Variants in ESF1 observed in about 807,000 individuals in gnomAD.
ESF1 encodes the protein ESF1 homolog.
ESF1 carries 58 observed loss-of-function variants against 92.0 expected under a neutral mutation model. The observed-to-expected ratio is 0.63, with a 90% CI of 0.51 to 0.78. The LOEUF (loss-of-function observed/expected upper bound fraction) is 0.78. Among genes scored for constraint, ESF1 ranks in the 30% least tolerant of loss-of-function variants. The pLI is 0.00. For synonymous variants in ESF1, 321 were observed against 313.7 expected (o/e 1.02, Z -0.24); for missense variants, 922 against 989.1 (o/e 0.93, Z 0.91).
rs547360835 is a variant in ESF1 at position 13,775,730 on chromosome 20, T to C, written c.1035+143A>G. ...GGACGTCTTCTAGTTCATATAATTA[T>C]ATTCCATATCAAATTTTAATCAGAA... On this transcript the variant is annotated intron_variant, in intron 3 of 13. Transcript: ENST00000617257. 48 of 936,084 alleles carry C rather than the reference T, an allele frequency of 5.1e-5. No homozygotes were observed. The African/African-American group carries it at 8.0e-4, about 16-fold the overall frequency. The allele number at this position is 936,084 out of a possible 1,614,324, so 58.0% of individuals were successfully genotyped here. A position where few individuals can be genotyped will look rare whatever the true frequency, so the allele number is the denominator to read the frequency against.
intron 9 of ESF1, among the ~76,000 whole-genome samples, chr20:13,745,910 GA>G (rs35997100): frequency 0.17 from 25,860 of 152,114 alleles, 2,804 homozygotes; most frequent in Non-Finnish European, 0.24. Flanking sequence ...ACATAACTGG[GA>G]AGTCACACAG....
At chr20:13,749,151 C>T (rs891031013) in intron 9 of ESF1, among the ~76,000 whole-genome samples, 14 of 151,832 alleles carry the variant, frequency 9.2e-5, no homozygotes, top group African/African-American at 3.4e-4. Context: ...CTGCAACCTC[C>T]ACCTCCTGGG....
intron 2 of ESF1, among the ~76,000 whole-genome samples, chr20:13,781,867 C>G (rs1004207479): frequency 6.6e-6 from 1 of 152,012 alleles, no homozygotes; most frequent in African/African-American, 2.4e-5. Context: ...CGGAGTCCTA[C>G]TTACCCTATT....
intron 6 of ESF1, among the ~76,000 whole-genome samples, chr20:13,770,440 C>T (rs1979631989): frequency 6.6e-6 from 1 of 152,208 alleles, no homozygotes; most frequent in Admixed American, 6.5e-5. Context: ...ATAATCATGG[C>T]TCACTGAAGT....
intron 9 of ESF1, among the ~76,000 whole-genome samples, chr20:13,748,681 G>A (rs1372474072): frequency 2.7e-5 from 4 of 150,116 alleles, no homozygotes; most frequent in African/African-American, 9.8e-5. Flanking sequence ...TCCACTCCGA[G>A]GTTCACGCCA....
At chr20:13,734,755 A>G (rs2049965353) in intron 9 of ESF1, among the ~76,000 whole-genome samples, 1 of 104,850 alleles carries the variant, frequency 9.5e-6, no homozygotes, top group Admixed American at 1.1e-4. Context: ...AAATATTTAG[A>G]TGACACAAAA....
Position 13,784,895 on chromosome 20 carries a change from C to G in ESF1, c.-59G>C, listed in dbSNP as rs1980618169. On this transcript the variant is annotated 5_prime_UTR_variant, in exon 1 of 14. Transcript: ENST00000617257. ...CCCCACTCACCGTCCGCAGTCCTAC[C>G]AAGCCTCACGTGGGGCTCACACCCA... 1.6e-6 allele frequency: 1 copy of G among 631,082 alleles called. No homozygotes were observed. Among genetic ancestry groups the G allele is most frequent in the South Asian group, 1.9e-5 (1 of 52,038 alleles). 39.1% of individuals were successfully genotyped at this position (631,082 alleles called of 1,614,324 possible). A position where few individuals can be genotyped will look rare whatever the true frequency, so the allele number is the denominator to read the frequency against.
In ESF1 at chr20:13,715,223, C is replaced by T. The variant is rs2049816441; in HGVS notation, c.2263-56G>A. 17 of 1,411,172 alleles carry T rather than the reference C, an allele frequency of 1.2e-5. No individual in the cohort carries two copies. In the South Asian group the frequency reaches 3.0e-4, roughly 25 times the overall value. 87.4% of individuals were successfully genotyped at this position (1,411,172 alleles called of 1,614,324 possible). On this transcript the variant is annotated intron_variant, in intron 13 of 13. Transcript: ENST00000617257. The stretch of plus-strand genomic sequence containing the variant: ...AATTAATTAAACAAAATTACTAAAG[C>T]AAAAGGCCAGAAATGGGGCCAAATT...
chr20:13,748,546 GTGTA>G (rs1978414950), intron 9 of ESF1, among the ~76,000 whole-genome samples: 2 of 51,240 alleles, frequency 3.9e-5, no homozygotes, highest in African/African-American at 1.5e-4. Context: ...ATATATGTGT[GTGTA>G]TATATATATA....
Position 13,717,311 on chromosome 20 carries a change from A to T in ESF1, c.2262+57T>A. On this transcript the variant is annotated intron_variant, in intron 13 of 13. Transcript: ENST00000617257. ...GACTATGCTCAATTTCTATCTGCAG[A>T]GCTGACTTTAGATTCAATTCCAGCT... 3 of 1,592,518 alleles carry T rather than the reference A, an allele frequency of 1.9e-6. No homozygotes were observed. In the Admixed American group the frequency reaches 5.1e-5, roughly 27 times the overall value.
intron 3 of ESF1, 120 bp from the exon 4 acceptor site, chr20:13,775,390 G>T: frequency 3.3e-6 from 2 of 605,838 alleles, no homozygotes; most frequent in Non-Finnish European, 2.8e-6. Flanking sequence ...TAGTACAGGA[G>T]TTATCTAAGC....
In ESF1 at chr20:13,775,154, C is replaced by A; in HGVS notation, c.1149+3G>T. On this transcript the variant is annotated splice_donor_region_variant and intron_variant, in intron 4 of 13. Transcript: ENST00000617257. ...TTTATTTCAAAATGAAATCAATTCT[C>A]ACCTTGACGGAAAATATTACACCTC... 6.5e-7 allele frequency: 1 copy of A among 1,547,684 alleles called. No homozygotes were observed.
intron 9 of ESF1, among the ~76,000 whole-genome samples, chr20:13,758,205 T>C (rs1049737427): frequency 6.6e-6 from 1 of 152,206 alleles, no homozygotes; most frequent in African/African-American, 2.4e-5. Flanking sequence ...ACTGCTAACC[T>C]GTGAGGTAAT....
chr20:13,748,403 T>TATATACACACATATATAC (rs1555823462), intron 9 of ESF1, among the ~76,000 whole-genome samples: 6 of 117,782 alleles, frequency 5.1e-5, no homozygotes, highest in Admixed American at 8.8e-5. Flanking sequence ...TCAAAGGATA[T>TATATACACACATATATAC]ATATACACAT....
chr20:13,771,457 TA>T lies in ESF1; in HGVS notation c.1276del (p.Tyr426IlefsTer6), dbSNP rs1438743824. 6.2e-7 allele frequency: 1 copy of T among 1,613,056 alleles called. No homozygotes were observed. Among genetic ancestry groups the T allele is most frequent in the Non-Finnish European group, 8.5e-7 (1 of 1,179,434 alleles). On this transcript the variant is annotated frameshift_variant, in exon 6 of 14. Coordinates refer to ENST00000617257, the MANE Select transcript of ESF1 (RefSeq NM_001276380.2). LOFTEE classifies it high-confidence loss of function. The stretch of plus-strand genomic sequence containing the variant: ...ATAGTACTTCAGTCGTTTGAATTGA[TA>T]ATCTCTCAATTTTTCTCTAGACGTC... The part of the protein sequence containing the change: ...DWTSREKLRD[Y>X]QFKRLKYYYA...
chr20:13,779,884 A>T (rs1428965842), intron 2 of ESF1, among the ~76,000 whole-genome samples: 3 of 152,216 alleles, frequency 2.0e-5, no homozygotes, highest in African/African-American at 7.2e-5. Flanking sequence ...TTCTTTGCAC[A>T]CATCCAATTA....
At chr20:13,775,300 T>C in intron 3 of ESF1, 30 bp from the exon 4 acceptor site, 1 of 1,329,210 alleles carries the variant, frequency 7.5e-7, no homozygotes, top group Non-Finnish European at 1.1e-6. Context: ...AAATAGTACA[T>C]AATCCATATC....
At chr20:13,781,858 G>A (rs902645277) in intron 2 of ESF1, among the ~76,000 whole-genome samples, 12 of 151,966 alleles carry the variant, frequency 7.9e-5, no homozygotes, top group Admixed American at 2.0e-4. Flanking sequence ...TTTTTGAGAC[G>A]GAGTCCTACT....
intron 7 of ESF1, 138 bp from the exon 8 acceptor site, chr20:13,767,062 A>G: frequency 2.7e-6 from 2 of 734,566 alleles, no homozygotes; most frequent in Admixed American, 5.6e-5. Context: ...TACATGAATG[A>G]TATGATTAAT....
Sources: allele counts gnomAD v4.1 joint callset (sites outside exome capture counted in the v4.1 genomes callset), GRCh38; gene constraint gnomAD v4.1.1; transcripts MANE v1.5; gene names NCBI Gene and HGNC (gene_info 2026-07-23, HGNC 2026-07-21).